The following RBM20 variants were observed in gnomAD, a reference collection of about 807,000 sequenced individuals.
The protein encoded by RBM20 is RNA binding motif protein 20, also known as RNA-binding protein 20.
A neutral mutation model predicts 110.1 loss-of-function variants in RBM20; 51 were observed. That is an observed-to-expected ratio of 0.46 (90% CI 0.37 to 0.59). The LOEUF (loss-of-function observed/expected upper bound fraction) is 0.59, where lower values mean the gene tolerates loss of function less well. Ranked by LOEUF, RBM20 falls within the 20% of genes least tolerant of loss-of-function variation. The pLI, the probability that RBM20 is intolerant of heterozygous loss-of-function variation, is 0.00. For synonymous variants in RBM20, 589 were observed against 618.2 expected (o/e 0.95, Z 0.70); for missense variants, 1,512 against 1,574.9 (o/e 0.96, Z 0.68).
chr10:110,738,159 G>A (rs981305368), intron 1 of RBM20, among the ~76,000 whole-genome samples: 1 of 152,190 alleles, frequency 6.6e-6, no homozygotes, highest in African/African-American at 2.4e-5. Flanking sequence ...GAGGAAAGAG[G>A]CAGGATCCCA....
chr10:110,664,458 T>C (rs1862149292), intron 1 of RBM20, among the ~76,000 whole-genome samples: 2 of 152,076 alleles, frequency 1.3e-5, no homozygotes, highest in South Asian at 4.2e-4. Context: ...AAAAATTCAG[T>C]AGTTTCGGCC....
At chr10:110,709,248 T>A (rs2134908643) in intron 1 of RBM20, among the ~76,000 whole-genome samples, 1 of 152,270 alleles carries the variant, frequency 6.6e-6, no homozygotes, top group South Asian at 2.1e-4. Context: ...GCCCTCCTGC[T>A]GCTTGTGAAA....
intron 7 of RBM20, among the ~76,000 whole-genome samples, chr10:110,804,544 T>C (rs371171854): frequency 3.9e-5 from 6 of 152,362 alleles, no homozygotes; most frequent in African/African-American, 7.2e-5. Flanking sequence ...TATTTCTTCA[T>C]GCACATATCT....
intron 1 of RBM20, among the ~76,000 whole-genome samples, chr10:110,647,067 C>A (rs1002037475): frequency 6.6e-6 from 1 of 152,214 alleles, no homozygotes; most frequent in African/African-American, 2.4e-5. Context: ...AGATTACAAA[C>A]ATTTTTCCAC....
At chr10:110,740,516 G>A (rs1320525998) in intron 1 of RBM20, among the ~76,000 whole-genome samples, 1 of 151,982 alleles carries the variant, frequency 6.6e-6, no homozygotes, top group Non-Finnish European at 1.5e-5. Flanking sequence ...CCAGGTGTGT[G>A]GAGCTGCCTT....
At chr10:110,795,620 G>A (rs55909737) in intron 5 of RBM20, among the ~76,000 whole-genome samples, 61,534 of 152,048 alleles carry the variant, frequency 0.4, 12,981 homozygotes, top group South Asian at 0.6. Flanking sequence ...TAGCAGAGTC[G>A]GCCCCACATC....
intron 4 of RBM20, 124 bp from the exon 5 acceptor site, chr10:110,784,668 C>T: frequency 1.4e-6 from 1 of 738,568 alleles, no homozygotes; most frequent in Non-Finnish European, 2.4e-6. Flanking sequence ...GAGGTACAAT[C>T]ATGCCAATCA....
In RBM20 at chr10:110,795,702, A is replaced by G. The variant is rs144445800; in HGVS notation, c.1528-1806A>G. 2.3e-3 allele frequency among the ~76,000 whole-genome samples: 356 copies of G among 152,286 alleles called. 1 individual carries two copies. Among genetic ancestry groups the G allele is most frequent in the African/African-American group, 7.9e-3 (330 of 41,554 alleles). ...TTATGCAAATGGAGACTATGCTATT[A>G]GAATGTGTTTCAGGTTCGGAAAATT... On this transcript the variant is annotated intron_variant, in intron 5 of 13. Coordinates refer to ENST00000369519, the MANE Select transcript of RBM20 (RefSeq NM_001134363.3).
chr10:110,777,520 C>T (rs1474827116), intron 1 of RBM20, among the ~76,000 whole-genome samples: 3 of 152,080 alleles, frequency 2.0e-5, no homozygotes, highest in African/African-American at 7.2e-5. Flanking sequence ...TCAAGGTTGA[C>T]TAAAGTTGGG....
intron 1 of RBM20, among the ~76,000 whole-genome samples, chr10:110,742,878 T>C (rs1417601899): frequency 6.6e-6 from 1 of 152,230 alleles, no homozygotes; most frequent in African/African-American, 2.4e-5. Context: ...CATCTGCATC[T>C]TCTTCAACAG....
Position 110,644,555 on chromosome 10 carries a change from C to A in RBM20, c.101C>A (p.Ala34Glu). Residue 34 changes from alanine (A) to glutamate (E), a missense_variant, in exon 1 of 14, where the codon GCA (alanine) becomes GAA (glutamate). Physicochemically the swap from Ala to Glu is moderately radical, Grantham distance 107. Transcript: ENST00000369519. This position sits in a 1 kb window ranked among gnomAD's most constrained non-coding sequence, Gnocchi z 4.3. ...GTGCCTGGTGCCCGGGCGTCCCCGG[C>A]ACCCTCCGGCCCGCGAGGGATGCAG... ...CSVPGARASP[A>E]PSGPRGMQQP... 9 of 1,526,216 alleles carry A rather than the reference C, an allele frequency of 5.9e-6. No individual in the cohort carries two copies. The highest frequency in any genetic ancestry group is 1.2e-5 in the South Asian group (1 of 82,280). 94.5% of individuals were successfully genotyped at this position (1,526,216 alleles called of 1,614,324 possible). A position where few individuals can be genotyped will look rare whatever the true frequency, so the allele number is the denominator to read the frequency against.
intron 1 of RBM20, among the ~76,000 whole-genome samples, chr10:110,648,370 T>A (rs942316959): frequency 6.6e-6 from 1 of 152,246 alleles, no homozygotes; most frequent in African/African-American, 2.4e-5. Context: ...CAGAAGGATC[T>A]CCGTGTAACT....
chr10:110,779,798 A>T (rs1844313445), intron 1 of RBM20, among the ~76,000 whole-genome samples: 1 of 152,186 alleles, frequency 6.6e-6, no homozygotes, highest in Non-Finnish European at 1.5e-5. Flanking sequence ...AGTATAGGAG[A>T]CGCTGAATTT....
chr10:110,668,988 A>G (rs1862221074), intron 1 of RBM20, among the ~76,000 whole-genome samples: 4 of 152,010 alleles, frequency 2.6e-5, no homozygotes, highest in Admixed American at 2.6e-4. Context: ...TTTATGGAAA[A>G]CATATTTACA....
In RBM20 at chr10:110,644,702, G is replaced by A. The variant is rs777586269; in HGVS notation, c.191+57G>A. ...GTGCGCCTGGGGACACGCCCCGAGA[G>A]CCCCCTTTGTGGCTTCATTTCCCGT... is the stretch of plus-strand genomic sequence containing the variant. On this transcript the variant is annotated intron_variant, in intron 1 of 13. Transcript: ENST00000369519. The surrounding 1 kb of genome is among the most constrained non-coding windows in gnomAD (Gnocchi z 4.3). 8.3e-5 allele frequency: 109 copies of A among 1,312,554 alleles called. 1 individual carries two copies. Among genetic ancestry groups the A allele is most frequent in the Non-Finnish European group, 9.4e-5 (94 of 998,324 alleles). The allele number at this position is 1,312,554 out of a possible 1,614,324, so 81.3% of individuals were successfully genotyped here.
At chr10:110,806,853 T>C (rs933691099) in intron 7 of RBM20, among the ~76,000 whole-genome samples, 7 of 152,334 alleles carry the variant, frequency 4.6e-5, no homozygotes, top group Admixed American at 1.3e-4. Flanking sequence ...GCCTTCTTTA[T>C]GCCTTTACCC....
At chr10:110,819,368 A>G (rs1170787311) in intron 9 of RBM20, among the ~76,000 whole-genome samples, 2 of 152,256 alleles carry the variant, frequency 1.3e-5, no homozygotes, top group African/African-American at 4.8e-5. Context: ...TTAGCTCACA[A>G]GCTATACAAA....
intron 1 of RBM20, among the ~76,000 whole-genome samples, chr10:110,688,505 G>A (rs747120031): frequency 6.6e-6 from 1 of 152,118 alleles, no homozygotes; most frequent in East Asian, 1.9e-4. Context: ...ACACGTTGAT[G>A]TCCCAACATT....
intron 1 of RBM20, among the ~76,000 whole-genome samples, chr10:110,765,989 A>G (rs888206559): frequency 1.3e-5 from 2 of 152,092 alleles, no homozygotes; most frequent in African/African-American, 2.4e-5. Flanking sequence ...TGACTTCCTT[A>G]TTTTCCATAG....
Sources: gnomAD v4.1 joint callset for allele counts (sites outside exome capture counted in the v4.1 genomes callset) on GRCh38, gnomAD v4.1.1 for gene constraint, Gnocchi (gnomAD v3.1) non-coding constraint, MANE v1.5 for transcripts, NCBI Gene and HGNC (gene_info 2026-07-23, HGNC 2026-07-21) for gene names.